The following GPHN variants were observed in gnomAD, a reference collection of about 807,000 sequenced individuals.
The protein encoded by GPHN is gephyrin.
Under a neutral mutation model 95.5 loss-of-function variants are expected in GPHN, and 17 were observed. The observed-to-expected ratio is 0.18, with a 90% confidence interval of 0.12 to 0.27. The LOEUF (loss-of-function observed/expected upper bound fraction) is 0.27. Among genes scored for constraint, GPHN ranks in the 10% least tolerant of loss-of-function variants. The pLI is 1.00. For missense variants in GPHN, 660 were observed against 978.1 expected, an observed-to-expected ratio of 0.67 and a Z score of 4.34; for synonymous variants, 320 against 322.5, an observed-to-expected ratio of 0.99 and a Z score of 0.08.
At chr14:67,426,459 C>T in the GPHN span, among the ~76,000 whole-genome samples, 1 of 152,232 alleles carries the variant, frequency 6.6e-6, no homozygotes, top group Non-Finnish European at 1.5e-5. Flanking sequence ...TTGGCACAGT[C>T]AGTGTGTGCC....
chr14:67,106,735 A>T (rs1314002880), intron 13 of GPHN, among the ~76,000 whole-genome samples: 1 of 151,950 alleles, frequency 6.6e-6, no homozygotes, highest in Non-Finnish European at 1.5e-5. Context: ...AATTATCGCT[A>T]GGTTTTGTTT....
intron 1 of GPHN, among the ~76,000 whole-genome samples, chr14:66,669,249 A>T (rs971176010): frequency 4.0e-5 from 6 of 151,670 alleles, no homozygotes; most frequent in African/African-American, 1.5e-4. Context: ...CTGTAATCCC[A>T]GCTACTCAGG....
At chr14:67,571,914 G>A in the GPHN span, 2 of 1,599,904 alleles carry the variant, frequency 1.3e-6, no homozygotes, top group Non-Finnish European at 1.7e-6. Flanking sequence ...TACAGAGAAG[G>A]GGAGCAGGGG....
intron 3 of GPHN, among the ~76,000 whole-genome samples, chr14:66,787,755 A>C (rs1400123967): frequency 6.6e-6 from 1 of 151,996 alleles, no homozygotes; most frequent in African/African-American, 2.4e-5. Flanking sequence ...GTGCTGGAGC[A>C]ATTGGAAATC....
At chr14:67,379,654 CTTTTTTT>C in the GPHN span, among the ~76,000 whole-genome samples, 4 of 119,952 alleles carry the variant, frequency 3.3e-5, no homozygotes, top group South Asian at 3.0e-4. Context: ...TTTTCTTTTT[CTTTTTTT>C]TTTTTTTTTT....
At chr14:66,901,280 A>C (rs2065118886) in intron 5 of GPHN, among the ~76,000 whole-genome samples, 1 of 151,954 alleles carries the variant, frequency 6.6e-6, no homozygotes, top group African/African-American at 2.4e-5. Flanking sequence ...TCTAGTTATT[A>C]ATCCTTTGTC....
At chr14:66,835,853 C>G (rs370513861) in intron 4 of GPHN, among the ~76,000 whole-genome samples, 7 of 151,732 alleles carry the variant, frequency 4.6e-5, no homozygotes, top group South Asian at 2.1e-4. Flanking sequence ...TTGCTTCAAA[C>G]AGAATAAAAT....
At chr14:66,701,779 G>C (rs941804074) in intron 2 of GPHN, among the ~76,000 whole-genome samples, 1 of 152,154 alleles carries the variant, frequency 6.6e-6, no homozygotes, top group Non-Finnish European at 1.5e-5. Context: ...CAAGCTCCTG[G>C]GGGGAGGGGC....
At chr14:66,784,946 T>C (rs919768742) in intron 3 of GPHN, among the ~76,000 whole-genome samples, 2 of 152,158 alleles carry the variant, frequency 1.3e-5, no homozygotes, top group African/African-American at 4.8e-5. Flanking sequence ...AATGGATTTT[T>C]AAAAAATGAT....
chr14:67,009,883 C>G (rs906085220), intron 9 of GPHN, among the ~76,000 whole-genome samples: 1 of 151,736 alleles, frequency 6.6e-6, no homozygotes, highest in African/African-American at 2.4e-5. Context: ...CTCAGCCTCC[C>G]GAGTAGCTGA....
chr14:66,722,257 A>C (rs2070823859), intron 2 of GPHN, among the ~76,000 whole-genome samples: 1 of 152,162 alleles, frequency 6.6e-6, no homozygotes, highest in South Asian at 2.1e-4. Context: ...GATAAAGGTA[A>C]CATGAAATTG....
At chr14:67,118,659 C>T (rs1567357578) in intron 16 of GPHN, among the ~76,000 whole-genome samples, 2 of 151,510 alleles carry the variant, frequency 1.3e-5, no homozygotes, top group Non-Finnish European at 2.9e-5. Context: ...ACCCGGGAGG[C>T]GGAGCTTGCA....
chr14:67,559,473 A>G, the GPHN span: 1 of 623,864 alleles, frequency 1.6e-6, no homozygotes, highest in South Asian at 1.9e-5. Flanking sequence ...ATAATATTTC[A>G]ACAAACGATT....
chr14:67,360,109 T>G, the GPHN span: 3 of 422,268 alleles, frequency 7.1e-6, no homozygotes, highest in Non-Finnish European at 1.3e-5. Flanking sequence ...GCTGAAACTT[T>G]GAAAGAGGAT....
the GPHN span, among the ~76,000 whole-genome samples, chr14:67,667,400 C>T: frequency 1.3e-5 from 2 of 152,118 alleles, no homozygotes; most frequent in Non-Finnish European, 2.9e-5. Context: ...CTGACTAGAT[C>T]CCACACCATA....
chr14:66,928,581 G>T (rs1166066789), intron 8 of GPHN, among the ~76,000 whole-genome samples: 2 of 151,876 alleles, frequency 1.3e-5, no homozygotes, highest in Non-Finnish European at 2.9e-5. Flanking sequence ...ATTTTCTCTA[G>T]CTTTTCTAGT....
chr14:67,524,675 C>T, the GPHN span, among the ~76,000 whole-genome samples: 2 of 152,310 alleles, frequency 1.3e-5, no homozygotes, highest in South Asian at 4.1e-4. Flanking sequence ...ACTCTGTCCC[C>T]AGACTTGTGT....
At chr14:67,088,335 A>G (rs1378205358) in intron 11 of GPHN, among the ~76,000 whole-genome samples, 1 of 152,156 alleles carries the variant, frequency 6.6e-6, no homozygotes, top group Non-Finnish European at 1.5e-5. Flanking sequence ...TTCCTTTTCT[A>G]CTGATATATA....
chr14:67,378,446 G>T, the GPHN span, among the ~76,000 whole-genome samples: 1 of 149,920 alleles, frequency 6.7e-6, no homozygotes, highest in Admixed American at 6.8e-5. Flanking sequence ...TTTTCTTACA[G>T]TTGAAGAAAC....
Sources: gnomAD v4.1 joint callset for allele counts (sites outside exome capture counted in the v4.1 genomes callset) on GRCh38, gnomAD v4.1.1 for gene constraint, MANE v1.5 for transcripts, NCBI Gene and HGNC (gene_info 2026-07-23, HGNC 2026-07-21) for gene names.